The following KDM7A variants were observed in gnomAD, a reference collection of about 807,000 sequenced individuals.
KDM7A encodes lysine-specific demethylase 7A.
A neutral mutation model predicts 114.8 loss-of-function variants in KDM7A; 28 were observed. The observed-to-expected ratio is 0.24, with a 90% confidence interval of 0.18 to 0.33. The LOEUF (loss-of-function observed/expected upper bound fraction) is 0.33, where lower values mean the gene tolerates loss of function less well. KDM7A is among the 10% of genes least tolerant of loss of function. KDM7A has a pLI of 1.00. For synonymous variants in KDM7A, 423 were observed against 397.8 expected (o/e 1.06, Z -0.75); for missense variants, 942 against 1,142.5 (o/e 0.82, Z 2.53).
At position 140,133,645 on chromosome 7, in the gene KDM7A, T is replaced by G; in HGVS notation, c.292A>C (p.Arg98=). 1 of 1,590,818 alleles carries G rather than the reference T, an allele frequency of 6.3e-7. No homozygotes were observed. Among genetic ancestry groups the G allele is most frequent in the Non-Finnish European group, 8.6e-7 (1 of 1,164,140 alleles). Residue 98 remains arginine, a synonymous_variant, in exon 3 of 20, where the codon AGG becomes CGG. Transcript: ENST00000397560. Reference sequence around the variant, plus strand: ...GTGTAGTCATGTCTGTGCCAGTTCCTCCTTTTTTTCACTGGATTTTTAAAA... The same window carrying G: ...GTGTAGTCATGTCTGTGCCAGTTCCGCCTTTTTTTCACTGGATTTTTAAAA... ...LHGSSLMKKR[R]NWHRHDYTEI...
intron 1 of KDM7A, among the ~76,000 whole-genome samples, chr7:140,147,217 T>C (rs903988333): frequency 6.6e-6 from 1 of 152,132 alleles, no homozygotes; most frequent in Non-Finnish European, 1.5e-5. Context: ...TTTTATATCC[T>C]ATTCCCTGAA....
intron 12 of KDM7A, among the ~76,000 whole-genome samples, chr7:140,101,458 T>G (rs766142102): frequency 9.2e-5 from 14 of 152,192 alleles, no homozygotes; most frequent in South Asian, 2.1e-4. Flanking sequence ...GTTACTCAGC[T>G]GTCGGTTCAA....
At chr7:140,145,901 G>T (rs777799629) in intron 1 of KDM7A, among the ~76,000 whole-genome samples, 17 of 152,070 alleles carry the variant, frequency 1.1e-4, no homozygotes, top group Non-Finnish European at 2.1e-4. Flanking sequence ...CTCCCATGAG[G>T]GTTAGGGAAA....
chr7:140,151,437 T>G (rs940555494), intron 1 of KDM7A, among the ~76,000 whole-genome samples: 1 of 152,284 alleles, frequency 6.6e-6, no homozygotes, highest in Non-Finnish European at 1.5e-5. Flanking sequence ...CAGGGAGACA[T>G]TCGCTTGGGC....
At chr7:140,173,082 C>T (rs1053495131) in intron 1 of KDM7A, among the ~76,000 whole-genome samples, 6 of 151,934 alleles carry the variant, frequency 3.9e-5, no homozygotes, top group African/African-American at 1.5e-4. Flanking sequence ...TTGCATATGA[C>T]GATATAAAAG....
chr7:140,113,667 A>C (rs1178596037), intron 9 of KDM7A, 85 bp from the exon 10 acceptor site: 1 of 628,938 alleles, frequency 1.6e-6, no homozygotes, highest in African/African-American at 1.9e-5. Flanking sequence ...TTGAGTAGCC[A>C]CCAAATATAA....
intron 1 of KDM7A, among the ~76,000 whole-genome samples, chr7:140,174,968 G>T (rs1282080247): frequency 6.6e-6 from 1 of 151,668 alleles, no homozygotes. Flanking sequence ...ATAGTTCTTT[G>T]AAAAAAAATA....
chr7:140,162,419 A>G (rs1361905168), intron 1 of KDM7A, among the ~76,000 whole-genome samples: 1 of 152,202 alleles, frequency 6.6e-6, no homozygotes, highest in African/African-American at 2.4e-5. Flanking sequence ...GCTCAAGGAA[A>G]AATGGCATTT....
chr7:140,165,995 G>A (rs951537898), intron 1 of KDM7A, among the ~76,000 whole-genome samples: 1 of 152,090 alleles, frequency 6.6e-6, no homozygotes, highest in Non-Finnish European at 1.5e-5. Flanking sequence ...CTTTTACTAC[G>A]GTACACTGTT....
At chr7:140,161,483 T>A (rs759677397) in intron 1 of KDM7A, among the ~76,000 whole-genome samples, 2 of 152,230 alleles carry the variant, frequency 1.3e-5, no homozygotes, top group Non-Finnish European at 2.9e-5. Flanking sequence ...TGGAAATATA[T>A]CCAGGTCACA....
intron 1 of KDM7A, among the ~76,000 whole-genome samples, chr7:140,154,193 A>T (rs1009786707): frequency 2.1e-4 from 32 of 152,120 alleles, no homozygotes; most frequent in East Asian, 1.9e-4. Flanking sequence ...CATTTTTTTT[A>T]AAAGTGTCCT....
intron 1 of KDM7A, among the ~76,000 whole-genome samples, chr7:140,148,980 A>C (rs1421828564): frequency 6.6e-6 from 1 of 152,130 alleles, no homozygotes; most frequent in African/African-American, 2.4e-5. Context: ...TTTGGTTCAC[A>C]ATCATCTCTT....
At position 140,119,113 on chromosome 7, in the gene KDM7A, C is replaced by T; in HGVS notation, c.1246G>A (p.Glu416Lys). 6.4e-7 allele frequency: 1 copy of T among 1,565,702 alleles called. No individual in the cohort carries two copies. The highest frequency in any genetic ancestry group is 8.8e-7 in the Non-Finnish European group (1 of 1,139,918). Residue 416 changes from glutamate (E) to lysine (K), a missense_variant and splice_region_variant, in exon 9 of 20, where the codon GAA becomes AAA. Glu to Lys is a moderately conservative substitution (Grantham distance 56). Transcript: ENST00000397560. ...VAKNLLETLK[E>K]LREDGFQPQT... ...TACAAACATGCAAATTATTAATTACCTTTCAGGGTTTCCAGCAAGTTTTTG... is the reference window on the plus strand; with the variant it reads ...TACAAACATGCAAATTATTAATTACTTTTCAGGGTTTCCAGCAAGTTTTTG...
chr7:140,159,677 T>C (rs1053924224), intron 1 of KDM7A, among the ~76,000 whole-genome samples: 6 of 152,172 alleles, frequency 3.9e-5, no homozygotes, highest in African/African-American at 1.4e-4. Context: ...CCTGAGGCTG[T>C]GGGCAGTTTC....
At chr7:140,107,195 A>G (rs1818352493) in intron 11 of KDM7A, among the ~76,000 whole-genome samples, 1 of 152,162 alleles carries the variant, frequency 6.6e-6, no homozygotes, top group African/African-American at 2.4e-5. Flanking sequence ...CTCTGAATAC[A>G]GCACACTGAT....
intron 1 of KDM7A, among the ~76,000 whole-genome samples, chr7:140,150,135 G>A (rs950924224): frequency 6.6e-5 from 10 of 152,292 alleles, no homozygotes; most frequent in Non-Finnish European, 1.0e-4. Context: ...TGAGCCCAGA[G>A]ATGGAAAATG....
chr7:140,137,240 C>T (rs1020855219), intron 2 of KDM7A, among the ~76,000 whole-genome samples: 11 of 151,982 alleles, frequency 7.2e-5, no homozygotes, highest in African/African-American at 2.7e-4. Context: ...AGCTTCTCTC[C>T]AAAGCATAAT....
intron 1 of KDM7A, among the ~76,000 whole-genome samples, chr7:140,149,667 T>C (rs1794377513): frequency 6.6e-6 from 1 of 152,188 alleles, no homozygotes; most frequent in Admixed American, 6.5e-5. Context: ...GCCCAGTATA[T>C]CTGCTATTTT....
intron 1 of KDM7A, among the ~76,000 whole-genome samples, chr7:140,174,174 A>G (rs1794676251): frequency 6.6e-6 from 1 of 152,034 alleles, no homozygotes; most frequent in Admixed American, 6.6e-5. Context: ...CAAAAAAAAA[A>G]AAAAGAAAAA....
Sources: gnomAD v4.1 joint callset for allele counts (sites outside exome capture counted in the v4.1 genomes callset) on GRCh38, gnomAD v4.1.1 for gene constraint, MANE v1.5 for transcripts, NCBI Gene and HGNC (gene_info 2026-07-23, HGNC 2026-07-21) for gene names.